CERKL: variants seen among roughly 807,000 people sequenced by gnomAD.
The protein encoded by CERKL is ceramide kinase-like protein.
Under a neutral mutation model 63.4 loss-of-function variants are expected in CERKL, and 61 were observed. The ratio of observed to expected loss-of-function variants is 0.96; its 90% CI spans 0.78 to 1.19. CERKL has a LOEUF of 1.19. CERKL is among the 50% of genes most tolerant of loss of function. CERKL has a pLI of 0.00. For missense variants in CERKL, 675 were observed against 655.5 expected (o/e 1.03, Z -0.33); for synonymous variants, 250 against 230.5 (o/e 1.08, Z -0.77).
chr2:181,574,433 T>C (rs1689037725), intron 2 of CERKL, among the ~76,000 whole-genome samples: 1 of 151,872 alleles, frequency 6.6e-6, no homozygotes, highest in African/African-American at 2.4e-5. Flanking sequence ...AAAAAGAGGG[T>C]TTCGGTCAGA....
At chr2:181,579,250 A>G (rs1411075812) in intron 2 of CERKL, among the ~76,000 whole-genome samples, 1 of 151,942 alleles carries the variant, frequency 6.6e-6, no homozygotes, top group Admixed American at 6.5e-5. Context: ...TTTACACTCT[A>G]CAAGGAATTT....
intron 10 of CERKL, 28 bp downstream of exon 10, chr2:181,547,590 C>A (rs533705291): frequency 8.0e-5 from 126 of 1,580,018 alleles, no homozygotes; most frequent in Non-Finnish European, 1.1e-4. Context: ...AGAAATGTAT[C>A]AACAATTCAA....
intron 1 of CERKL, among the ~76,000 whole-genome samples, chr2:181,646,461 G>A (rs1174541180): frequency 5.3e-5 from 8 of 152,204 alleles, no homozygotes; most frequent in Non-Finnish European, 1.5e-5. Flanking sequence ...AACCATGATA[G>A]GGAACAAAAG....
chr2:181,609,533 T>TAAAAAAAAAAAGAAAAAAAAAAAA (rs1685869267), intron 1 of CERKL, among the ~76,000 whole-genome samples: 1 of 70,216 alleles, frequency 1.4e-5, no homozygotes, highest in Non-Finnish European at 2.8e-5. Context: ...CTGTCTCTAC[T>TAAAAAAAAAAAGAAAAAAAAAAAA]AAAAAAAAAA....
At chr2:181,560,236 G>C (rs1688380007) in intron 4 of CERKL, among the ~76,000 whole-genome samples, 1 of 151,966 alleles carries the variant, frequency 6.6e-6, no homozygotes, top group Admixed American at 6.6e-5. Flanking sequence ...CTGACATATG[G>C]GTGTGACCAA....
chr2:181,590,978 T>C (rs1279151954), intron 2 of CERKL, among the ~76,000 whole-genome samples: 3 of 151,876 alleles, frequency 2.0e-5, no homozygotes, highest in Non-Finnish European at 2.9e-5. Context: ...TTATTAGTAA[T>C]TGCAGATACT....
chr2:181,590,907 A>G (rs181255486), intron 2 of CERKL, among the ~76,000 whole-genome samples: 1 of 152,300 alleles, frequency 6.6e-6, no homozygotes, highest in African/African-American at 2.4e-5. Flanking sequence ...TTAACCTTTA[A>G]CCCAGAAATC....
intron 1 of CERKL, among the ~76,000 whole-genome samples, chr2:181,641,736 C>T (rs1214802338): frequency 6.6e-6 from 1 of 152,088 alleles, no homozygotes; most frequent in Non-Finnish European, 1.5e-5. Flanking sequence ...TTGCTACATG[C>T]AGTTATTGAA....
At chr2:181,605,440 T>G (rs1685636766) in intron 1 of CERKL, among the ~76,000 whole-genome samples, 1 of 152,184 alleles carries the variant, frequency 6.6e-6, no homozygotes, top group Non-Finnish European at 1.5e-5. Flanking sequence ...TGCTTAGAGA[T>G]GACACAGGTG....
intron 3 of CERKL, among the ~76,000 whole-genome samples, chr2:181,567,716 T>C (rs1433598335): frequency 6.6e-6 from 1 of 152,176 alleles, no homozygotes; most frequent in Admixed American, 6.5e-5. Context: ...AGATAGACAA[T>C]ATATGCTAAT....
chr2:181,643,618 C>G (rs1169525335), intron 1 of CERKL, among the ~76,000 whole-genome samples: 1 of 152,194 alleles, frequency 6.6e-6, no homozygotes, highest in Non-Finnish European at 1.5e-5. Flanking sequence ...AATCACATAT[C>G]AGCACAGAAA....
intron 2 of CERKL, among the ~76,000 whole-genome samples, chr2:181,594,946 T>C (rs1304741109): frequency 6.6e-6 from 1 of 152,192 alleles, no homozygotes; most frequent in Admixed American, 6.5e-5. Flanking sequence ...TAATGAATGC[T>C]GGGGGCTTAA....
intron 1 of CERKL, among the ~76,000 whole-genome samples, chr2:181,646,453 C>A (rs1359734615): frequency 6.6e-6 from 1 of 152,158 alleles, no homozygotes; most frequent in African/African-American, 2.4e-5. Context: ...AGTTCCATAA[C>A]CATGATAGGG....
At chr2:181,631,346 A>C (rs984111107) in intron 1 of CERKL, among the ~76,000 whole-genome samples, 1 of 152,202 alleles carries the variant, frequency 6.6e-6, no homozygotes, top group Admixed American at 6.5e-5. Context: ...ACCCAGGAGA[A>C]ATCAGCATAG....
In CERKL at chr2:181,548,858, C is replaced by T. The variant is rs1687854945; in HGVS notation, c.896-1G>A. 1 of 1,613,176 alleles carries T rather than the reference C, an allele frequency of 6.2e-7. No individual in the cohort carries two copies. Among genetic ancestry groups the T allele is most frequent in the Non-Finnish European group, 8.5e-7 (1 of 1,179,280 alleles). On this transcript the variant is annotated splice_acceptor_variant, in intron 6 of 12. Transcript: ENST00000410087. LOFTEE classifies it high-confidence loss of function. ...CAGACGTCGACCAGCTGTACATGCC[C>T]TTGAATATTACATTAAATATTAATC...
chr2:181,634,431 G>T (rs1183205688), intron 1 of CERKL, among the ~76,000 whole-genome samples: 1 of 152,118 alleles, frequency 6.6e-6, no homozygotes, highest in East Asian at 1.9e-4. Flanking sequence ...TGTTGCAACA[G>T]TATGTGCAGA....
chr2:181,637,303 A>G (rs906135406), intron 1 of CERKL, among the ~76,000 whole-genome samples: 2 of 152,198 alleles, frequency 1.3e-5, no homozygotes, highest in African/African-American at 4.8e-5. Context: ...TCCTAAAAGC[A>G]CATTGAAAAA....
chr2:181,569,393 C>T (rs1285984532), intron 3 of CERKL, among the ~76,000 whole-genome samples: 1 of 152,114 alleles, frequency 6.6e-6, no homozygotes, highest in Non-Finnish European at 1.5e-5. Flanking sequence ...GCCTAGCTTT[C>T]TGCTGGGTGA....
chr2:181,633,332 T>C (rs1687046072), intron 1 of CERKL, among the ~76,000 whole-genome samples: 1 of 152,200 alleles, frequency 6.6e-6, no homozygotes, highest in South Asian at 2.1e-4. Flanking sequence ...AATGATGACA[T>C]GCTTCGAGGC....
Sources: allele counts gnomAD v4.1 joint callset (sites outside exome capture counted in the v4.1 genomes callset), GRCh38; gene constraint gnomAD v4.1.1; transcripts MANE v1.5; gene names NCBI Gene and HGNC (gene_info 2026-07-23, HGNC 2026-07-21).